SPATA6L: variants seen among roughly 807,000 people sequenced by gnomAD.
SPATA6L encodes the protein spermatogenesis associated 6 like.
Under a neutral mutation model 49.2 loss-of-function variants are expected in SPATA6L, and 68 were observed. That is an observed-to-expected ratio of 1.38 (90% confidence interval 1.14 to 1.69). SPATA6L has a LOEUF of 1.69. SPATA6L is among the 40% of genes most tolerant of loss of function. The pLI, the probability that SPATA6L is intolerant of heterozygous loss-of-function variation, is 0.00. For synonymous variants in SPATA6L, 198 were observed against 165.7 expected (o/e 1.19, Z -1.50); for missense variants, 668 against 464.3 (o/e 1.44, Z -4.03).
At chr9:4,625,176 T>C (rs975349231) in intron 6 of SPATA6L, 151 bp downstream of exon 6, 82 of 1,353,650 alleles carry the variant, frequency 6.1e-5, no homozygotes, top group Non-Finnish European at 7.2e-5. Flanking sequence ...ATCTAGGAAA[T>C]GAACATAATT....
chr9:4,607,878 G>C (rs1266877075), intron 9 of SPATA6L, among the ~76,000 whole-genome samples: 1 of 150,516 alleles, frequency 6.6e-6, no homozygotes, highest in Non-Finnish European at 1.5e-5. Context: ...AGACCCATCA[G>C]TGTGCTGTAT....
chr9:4,595,953 G>C (rs890929839), downstream of SPATA6L, among the ~76,000 whole-genome samples: 7 of 152,172 alleles, frequency 4.6e-5, no homozygotes, highest in Admixed American at 3.3e-4. Flanking sequence ...GTTTAGATTT[G>C]AATTTGAAGA....
At chr9:4,637,641 C>G (rs141627856) in intron 3 of SPATA6L, among the ~76,000 whole-genome samples, 83 of 152,304 alleles carry the variant, frequency 5.4e-4, no homozygotes, top group Middle Eastern at 6.8e-3. Flanking sequence ...TGAAATATCA[C>G]TAACGGTAGA....
rs572106912 is a variant in SPATA6L at position 4,602,765 on chromosome 9, A to G, written c.*1+1414T>C. Among the ~76,000 whole-genome samples the G allele has an allele frequency of 2.7e-4, 41 of 152,304 alleles. No homozygotes were observed. In the East Asian group the frequency reaches 3.3e-3, roughly 12 times the overall value. On this transcript the variant is annotated intron_variant, in intron 11 of 11. Coordinates refer to ENST00000682582, the MANE Select transcript of SPATA6L (RefSeq NM_001353486.2). The stretch of plus-strand genomic sequence containing the variant: ...TACACTCTAGCTTTGAAAATGCAAT[A>G]GAATGTAGTGGTTAAGAGAATAAAG...
At chr9:4,632,595 CAAAAAAA>C (rs58418814) in intron 4 of SPATA6L, among the ~76,000 whole-genome samples, 1 of 120,670 alleles carries the variant, frequency 8.3e-6, no homozygotes, top group African/African-American at 2.9e-5. Flanking sequence ...GACTCCATCT[CAAAAAAA>C]AAAAAAAAAT....
chr9:4,650,832 G>C (rs906876451), intron 3 of SPATA6L, among the ~76,000 whole-genome samples: 14 of 26,752 alleles, frequency 5.2e-4, no homozygotes, highest in African/African-American at 5.0e-3. Flanking sequence ...GCTTGTGTGT[G>C]TGTGTGTGTG....
intron 1 of SPATA6L, chr9:4,663,987 C>T (rs1056762572): frequency 1.2e-5 from 2 of 167,070 alleles, no homozygotes; most frequent in Admixed American, 6.5e-5. Flanking sequence ...TGTCTTTTAG[C>T]ATTCAGAGAA....
At chr9:4,666,083 C>G in intron 1 of SPATA6L, 129 bp downstream of exon 1, 1 of 835,716 alleles carries the variant, frequency 1.2e-6, no homozygotes, top group Non-Finnish European at 2.0e-6. Context: ...GACAAAGGTG[C>G]GATCTGTCCC....
intron 9 of SPATA6L, among the ~76,000 whole-genome samples, chr9:4,616,024 C>G (rs1827899882): frequency 6.6e-6 from 1 of 152,090 alleles, no homozygotes; most frequent in South Asian, 2.1e-4. Context: ...CATGCCTGTA[C>G]CCAGCACTTT....
intron 3 of SPATA6L, among the ~76,000 whole-genome samples, chr9:4,636,042 T>G (rs1274899542): frequency 6.6e-6 from 1 of 152,214 alleles, no homozygotes; most frequent in Admixed American, 6.5e-5. Flanking sequence ...TATAATTGTC[T>G]GAGCCTAGAA....
chr9:4,652,571 T>G (rs549372214), intron 3 of SPATA6L, among the ~76,000 whole-genome samples: 16 of 152,030 alleles, frequency 1.1e-4, no homozygotes, highest in African/African-American at 3.9e-4. Context: ...ATTTAAAGGC[T>G]GGGTACGGTG....
intron 13 of SPATA6L, among the ~76,000 whole-genome samples, chr9:4,592,277 T>C (rs150705599): frequency 4.2e-5 from 6 of 143,004 alleles, no homozygotes; most frequent in African/African-American, 1.6e-4. Context: ...ATCACGCCAC[T>C]GCACTCCAGC....
chr9:4,605,930 G>A (rs1443734265), intron 9 of SPATA6L, among the ~76,000 whole-genome samples: 1 of 152,232 alleles, frequency 6.6e-6, no homozygotes, highest in Non-Finnish European at 1.5e-5. Context: ...GTGCCAGACA[G>A]TGGGCGCAGG....
chr9:4,619,316 C>G (rs1174290086), intron 7 of SPATA6L, among the ~76,000 whole-genome samples: 2 of 151,806 alleles, frequency 1.3e-5, no homozygotes, highest in Non-Finnish European at 2.9e-5. Context: ...GCCACCATGC[C>G]CGGCCAATTT....
intron 10 of SPATA6L, 56 bp from the exon 11 acceptor site, chr9:4,604,325 G>A: frequency 8.6e-7 from 1 of 1,160,816 alleles, no homozygotes; most frequent in East Asian, 2.4e-5. Flanking sequence ...AGAGATGGAT[G>A]ATACCCAGAT....
At chr9:4,621,595 T>A (rs541284749) in intron 7 of SPATA6L, among the ~76,000 whole-genome samples, 2 of 152,254 alleles carry the variant, frequency 1.3e-5, no homozygotes, top group South Asian at 4.1e-4. Flanking sequence ...TTCAAGCGAT[T>A]CTCCTGCCTC....
chr9:4,631,753 T>TAGTG (rs1393136615), intron 4 of SPATA6L, among the ~76,000 whole-genome samples: 1 of 152,184 alleles, frequency 6.6e-6, no homozygotes, highest in East Asian at 1.9e-4. Context: ...AGAAATCAGA[T>TAGTG]AGTGGGCTGA....
intron 3 of SPATA6L, 125 bp downstream of exon 3, chr9:4,655,916 G>T: frequency 1.3e-6 from 1 of 762,646 alleles, no homozygotes; most frequent in Non-Finnish European, 2.1e-6. Flanking sequence ...TTTTACGTAG[G>T]CTGTCTTGAA....
chr9:4,592,016 G>A (rs1303997083), intron 13 of SPATA6L, among the ~76,000 whole-genome samples: 1 of 152,010 alleles, frequency 6.6e-6, no homozygotes, highest in East Asian at 1.9e-4. Context: ...AGCCCAGAAG[G>A]AAAAACAGCA....
Sources: gnomAD v4.1 joint callset for allele counts (sites outside exome capture counted in the v4.1 genomes callset) on GRCh38, gnomAD v4.1.1 for gene constraint, MANE v1.5 for transcripts, NCBI Gene and HGNC (gene_info 2026-07-23, HGNC 2026-07-21) for gene names.